Variants in DGUOK observed in about 807,000 individuals in gnomAD.
DGUOK encodes the protein deoxyguanosine kinase, mitochondrial.
Under a neutral mutation model 36.6 loss-of-function variants are expected in DGUOK, and 30 were observed. The observed-to-expected ratio is 0.82, with a 90% CI of 0.61 to 1.11. The LOEUF is 1.11. Among genes scored for constraint, DGUOK ranks in the 50% most tolerant of loss-of-function variants. The pLI is 0.00. For missense variants in DGUOK, 361 were observed against 336.4 expected (o/e 1.07, Z -0.57); for synonymous variants, 145 against 126.3 (o/e 1.15, Z -0.99).
In DGUOK at chr2:73,958,830, C is replaced by T; in HGVS notation, c.*94C>T. On this transcript the variant is annotated 3_prime_UTR_variant, in exon 7 of 7. Coordinates refer to ENST00000264093, the MANE Select transcript of DGUOK (RefSeq NM_080916.3). The stretch of plus-strand genomic sequence containing the variant: ...TCCCAACCACCTTTCCATCCCCAGC[C>T]CCTCTCATCCCTGGAGCACTCTGCC... 5 of 1,023,874 alleles carry T rather than the reference C, an allele frequency of 4.9e-6. No individual in the cohort carries two copies. In the South Asian group the frequency reaches 6.3e-5, roughly 13 times the overall value. The allele number at this position is 1,023,874 out of a possible 1,614,324, so 63.4% of individuals were successfully genotyped here.
intron 5 of DGUOK, 129 bp from the exon 6 acceptor site, chr2:73,958,017 C>A: frequency 1.4e-6 from 1 of 720,786 alleles, no homozygotes. Context: ...ATGCAGTTTA[C>A]ATGCAGTTTC....
intron 1 of DGUOK, among the ~76,000 whole-genome samples, chr2:73,930,339 A>C (rs79460826): frequency 0.029 from 4,477 of 152,328 alleles, 236 homozygotes; most frequent in African/African-American, 0.1. Flanking sequence ...TCATGAATTT[A>C]AAGTGAGACC....
chr2:73,929,334 T>G (rs1680842286), intron 1 of DGUOK, among the ~76,000 whole-genome samples: 1 of 152,240 alleles, frequency 6.6e-6, no homozygotes, highest in South Asian at 2.1e-4. Flanking sequence ...GGTCTTGATC[T>G]CCTGGGCTCA....
chr2:73,946,586 G>A (rs1263263460), intron 2 of DGUOK, 133 bp from the exon 3 acceptor site: 1 of 844,790 alleles, frequency 1.2e-6, no homozygotes, highest in Non-Finnish European at 1.9e-6. Flanking sequence ...TTGGTGGAAG[G>A]AAACTTTTGT....
At chr2:73,930,855 G>A (rs1266674744) in intron 1 of DGUOK, among the ~76,000 whole-genome samples, 2 of 137,792 alleles carry the variant, frequency 1.5e-5, no homozygotes, top group African/African-American at 5.4e-5. Flanking sequence ...CAGTGCAGTG[G>A]TGTGATCTTG....
intron 1 of DGUOK, among the ~76,000 whole-genome samples, chr2:73,931,864 G>C (rs916475965): frequency 7.9e-5 from 12 of 152,158 alleles, no homozygotes; most frequent in Non-Finnish European, 1.2e-4. Flanking sequence ...AAATGACAGA[G>C]AAGTGACGGT....
chr2:73,945,093 A>G (rs902393247), intron 2 of DGUOK, among the ~76,000 whole-genome samples: 10 of 152,162 alleles, frequency 6.6e-5, no homozygotes, highest in Non-Finnish European at 2.9e-5. Context: ...TAATAGTGCT[A>G]TTTTGCCAAA....
chr2:73,939,073 A>C, intron 2 of DGUOK, 51 bp downstream of exon 2: 1 of 1,195,290 alleles, frequency 8.4e-7, no homozygotes, highest in Non-Finnish European at 1.3e-6. Context: ...GAATAATCTA[A>C]TTGTCATAAT....
At chr2:73,955,423 A>G (rs75608332) in intron 4 of DGUOK, among the ~76,000 whole-genome samples, 13,343 of 152,298 alleles carry the variant, frequency 0.088, 797 homozygotes, top group African/African-American at 0.17. Flanking sequence ...TTGCAAGTGC[A>G]TATACCTTTT....
chr2:73,930,295 T>A (rs1382776843), intron 1 of DGUOK, among the ~76,000 whole-genome samples: 2 of 152,210 alleles, frequency 1.3e-5, no homozygotes, highest in Non-Finnish European at 2.9e-5. Flanking sequence ...GTTGAATTAC[T>A]GGGTACCATT....
intron 4 of DGUOK, among the ~76,000 whole-genome samples, chr2:73,952,430 A>G (rs1476454149): frequency 1.3e-5 from 2 of 152,200 alleles, no homozygotes; most frequent in Admixed American, 1.3e-4. Flanking sequence ...GTCAAAGTGT[A>G]GGGTTCAAGT....
intron 3 of DGUOK, chr2:73,947,250 T>A: frequency 3.2e-6 from 1 of 312,456 alleles, no homozygotes; most frequent in South Asian, 3.2e-5. Flanking sequence ...TAAGTAGCAG[T>A]GTATATTCTA....
chr2:73,939,728 G>A (rs1368851783), intron 2 of DGUOK, among the ~76,000 whole-genome samples: 6 of 152,158 alleles, frequency 3.9e-5, no homozygotes, highest in Non-Finnish European at 5.9e-5. Context: ...GGCACATTCT[G>A]GTTCTTAACT....
At chr2:73,927,352 G>A (rs1365226864) in intron 1 of DGUOK, among the ~76,000 whole-genome samples, 1 of 152,226 alleles carries the variant, frequency 6.6e-6, no homozygotes, top group African/African-American at 2.4e-5. Context: ...GAAGCGACAA[G>A]CGGGTGCAGT....
At chr2:73,950,804 G>T (rs1349341374) in intron 4 of DGUOK, 72 bp downstream of exon 4, 1 of 1,594,168 alleles carries the variant, frequency 6.3e-7, no homozygotes, top group East Asian at 2.2e-5. Context: ...CCAAGCCCCT[G>T]ATTTTCTGGT....
intron 1 of DGUOK, among the ~76,000 whole-genome samples, chr2:73,937,526 G>A (rs893875523): frequency 6.6e-6 from 1 of 152,214 alleles, no homozygotes. Flanking sequence ...AGAAGCAAAT[G>A]CAGAAGGATT....
intron 1 of DGUOK, among the ~76,000 whole-genome samples, chr2:73,928,342 G>A (rs1680763972): frequency 6.6e-6 from 1 of 152,178 alleles, no homozygotes; most frequent in Admixed American, 6.5e-5. Context: ...TGGCCAGGCT[G>A]GTCTCAAACT....
At chr2:73,957,917 C>T (rs1683243224) in intron 5 of DGUOK, 3 of 436,968 alleles carry the variant, frequency 6.9e-6, no homozygotes, top group Non-Finnish European at 1.3e-5. Flanking sequence ...ATGTTTGGTG[C>T]TCTGACTGTT....
intron 2 of DGUOK, among the ~76,000 whole-genome samples, chr2:73,944,383 T>C (rs570635794): frequency 6.6e-6 from 1 of 152,374 alleles, no homozygotes; most frequent in Admixed American, 6.5e-5. Flanking sequence ...TTATACAGTC[T>C]GCTAGCTACC....
Sources: gnomAD v4.1 joint callset for allele counts (sites outside exome capture counted in the v4.1 genomes callset) on GRCh38, gnomAD v4.1.1 for gene constraint, MANE v1.5 for transcripts, NCBI Gene and HGNC (gene_info 2026-07-23, HGNC 2026-07-21) for gene names.